CACNG6: variants seen among roughly 807,000 people sequenced by gnomAD.
The protein encoded by CACNG6 is calcium voltage-gated channel auxiliary subunit gamma 6, also known as voltage-dependent calcium channel gamma-6 subunit.
A neutral mutation model predicts 23.9 loss-of-function variants in CACNG6; 21 were observed. The observed-to-expected ratio is 0.88, with a 90% CI of 0.62 to 1.26. The LOEUF (loss-of-function observed/expected upper bound fraction) is 1.26, where lower values mean the gene tolerates loss of function less well. Ranked by LOEUF, CACNG6 falls within the 50% of genes most tolerant of loss-of-function variation. CACNG6 has a pLI of 0.00. For missense variants in CACNG6, 340 were observed against 352.9 expected, an observed-to-expected ratio of 0.96 and a Z score of 0.29; for synonymous variants, 182 against 168.9, an observed-to-expected ratio of 1.08 and a Z score of -0.60.
chr19:53,999,319 AC>A, intron 2 of CACNG6, among the ~76,000 whole-genome samples: 1 of 152,210 alleles, frequency 6.6e-6, no homozygotes, highest in East Asian at 1.9e-4. Context: ...CGTCTCCCAC[AC>A]ACCCCACTGC....
At chr19:53,998,117 C>T in intron 1 of CACNG6, 122 bp from the exon 2 acceptor site, 1 of 741,558 alleles carries the variant, frequency 1.3e-6, no homozygotes. Context: ...TTTTTCTCCT[C>T]TGTGTATCAG....
intron 3 of CACNG6, among the ~76,000 whole-genome samples, chr19:54,004,917 A>C (rs2069623444): frequency 6.6e-6 from 1 of 152,040 alleles, no homozygotes; most frequent in Non-Finnish European, 1.5e-5. Flanking sequence ...ATAAATAAAT[A>C]AATAAATAAA....
intron 3 of CACNG6, among the ~76,000 whole-genome samples, chr19:54,000,584 C>T (rs2069565351): frequency 6.6e-6 from 1 of 152,094 alleles, no homozygotes; most frequent in Non-Finnish European, 1.5e-5. Context: ...ATTTTATTTA[C>T]TTATTTATTT....
intron 3 of CACNG6, among the ~76,000 whole-genome samples, chr19:54,000,349 G>T (rs964404246): frequency 3.9e-5 from 6 of 152,200 alleles, no homozygotes; most frequent in African/African-American, 1.4e-4. Flanking sequence ...AAAGGTGGAA[G>T]AGTTCCAAGC....
chr19:54,007,738 A>G (rs1024736542), intron 3 of CACNG6, among the ~76,000 whole-genome samples: 5 of 136,402 alleles, frequency 3.7e-5, no homozygotes, highest in African/African-American at 1.4e-4. Flanking sequence ...TCTCTACAAA[A>G]TAAAATGAAA....
intron 3 of CACNG6, among the ~76,000 whole-genome samples, chr19:54,011,205 A>T (rs940393637): frequency 0.024 from 2,396 of 101,866 alleles, 38 homozygotes; most frequent in Non-Finnish European, 0.029. Flanking sequence ...AAAAAAAAAA[A>T]ATATATATAT....
chr19:54,002,412 C>T (rs1243960125), intron 3 of CACNG6, among the ~76,000 whole-genome samples: 1 of 150,806 alleles, frequency 6.6e-6, no homozygotes, highest in Non-Finnish European at 1.5e-5. Flanking sequence ...AGCCACCAAG[C>T]CCGGCCCCTC....
intron 3 of CACNG6, among the ~76,000 whole-genome samples, chr19:54,005,258 A>AGC: frequency 1.2e-5 from 1 of 86,470 alleles, no homozygotes; most frequent in African/African-American, 4.1e-5. Context: ...AATAATAATA[A>AGC]AAGAAAGAGC....
intron 3 of CACNG6, among the ~76,000 whole-genome samples, chr19:54,010,036 C>CTTTTTTTTTTTTT (rs199976621): frequency 3.1e-5 from 3 of 97,920 alleles, no homozygotes; most frequent in African/African-American, 8.0e-5. Flanking sequence ...TATTTCTTTT[C>CTTTTTTTTTTTTT]TTTCTTTTTT....
At chr19:54,003,580 C>A (rs769266314) in intron 3 of CACNG6, among the ~76,000 whole-genome samples, 53 of 151,974 alleles carry the variant, frequency 3.5e-4, no homozygotes, top group Non-Finnish European at 7.1e-4. Context: ...AGGCTGGTCT[C>A]GAACTCCTGA....
chr19:54,002,267 G>GGTT (rs1555818477), intron 3 of CACNG6, among the ~76,000 whole-genome samples: 1 of 131,932 alleles, frequency 7.6e-6, no homozygotes, highest in African/African-American at 3.3e-5. Flanking sequence ...CTAATTTTCG[G>GGTT]TTTTTTTGTT....
rs917833153 is a variant in CACNG6, at chr19:54,004,349, G to T, written c.544+4578G>T. 1.8e-3 allele frequency among the ~76,000 whole-genome samples: 179 copies of T among 100,696 alleles called. 1 individual carries two copies. Among genetic ancestry groups the T allele is most frequent in the African/African-American group, 0.012 (137 of 11,322 alleles). 66.1% of individuals were successfully genotyped at this position (100,696 alleles called of 152,430 possible). The stretch of plus-strand genomic sequence containing the variant: ...ATTTTGTATTTTTGTGTGTGTGTGT[G>T]TGTGTGTGTGTGTGTGTGTGTGTGT... On this transcript the variant is annotated intron_variant, in intron 3 of 3. Coordinates refer to ENST00000252729, the MANE Select transcript of CACNG6 (RefSeq NM_145814.2).
chr19:54,007,872 CCTGGGTGGCTGAGACCTTGTCA>C, intron 3 of CACNG6, among the ~76,000 whole-genome samples: 1 of 151,556 alleles, frequency 6.6e-6, no homozygotes, highest in East Asian at 2.0e-4. Flanking sequence ...TGCACTCCAG[CCTGGGTGGCTGAGACCTTGTCA>C]CTAAAAAAGA....
chr19:54,008,824 A>G (rs1367671765), intron 3 of CACNG6, among the ~76,000 whole-genome samples: 2 of 151,614 alleles, frequency 1.3e-5, no homozygotes, highest in East Asian at 3.9e-4. Context: ...TTCATGCATC[A>G]CCCTCTGAGA....
At chr19:54,010,036 CTTTCTT>C (rs1164835115) in intron 3 of CACNG6, among the ~76,000 whole-genome samples, 8 of 97,942 alleles carry the variant, frequency 8.2e-5, no homozygotes, top group African/African-American at 2.8e-4. Flanking sequence ...TATTTCTTTT[CTTTCTT>C]TTTTTTTTTT....
At chr19:53,991,538 G>A (rs969843193), upstream of CACNG6, among the ~76,000 whole-genome samples, 1 of 145,824 alleles carries the variant, frequency 6.9e-6, no homozygotes, top group Non-Finnish European at 1.5e-5. Context: ...CGACAGGTGC[G>A]GGTGTTATTT....
chr19:54,008,372 TAAAC>T (rs1303410253), intron 3 of CACNG6, among the ~76,000 whole-genome samples: 1 of 150,966 alleles, frequency 6.6e-6, no homozygotes, highest in Admixed American at 6.6e-5. Flanking sequence ...CCAAAACCGG[TAAAC>T]AAACAAACAG....
chr19:54,001,685 A>C (rs1235150872), intron 3 of CACNG6, among the ~76,000 whole-genome samples: 2 of 152,148 alleles, frequency 1.3e-5, no homozygotes, highest in Non-Finnish European at 2.9e-5. Flanking sequence ...GGTGACATTG[A>C]AGATGTCAAA....
chr19:53,994,850 C>G (rs2069504847), intron 1 of CACNG6, among the ~76,000 whole-genome samples: 1 of 152,200 alleles, frequency 6.6e-6, no homozygotes, highest in African/African-American at 2.4e-5. Context: ...CATTTTATTT[C>G]TGCAGATGGG....
Sources: gnomAD v4.1 joint callset for allele counts (sites outside exome capture counted in the v4.1 genomes callset) on GRCh38, gnomAD v4.1.1 for gene constraint, MANE v1.5 for transcripts, NCBI Gene and HGNC (gene_info 2026-07-23, HGNC 2026-07-21) for gene names.